Variants in DNAJC1 observed in about 807,000 individuals in gnomAD.
DNAJC1 encodes dnaJ homolog subfamily C member 1.
Under a neutral mutation model 76.6 loss-of-function variants are expected in DNAJC1, and 58 were observed. That is an observed-to-expected ratio of 0.76 (90% CI 0.61 to 0.94). DNAJC1 has a LOEUF of 0.94. DNAJC1 is among the 40% of genes least tolerant of loss of function. The pLI, the probability that DNAJC1 is intolerant of heterozygous loss-of-function variation, is 0.00. For missense variants in DNAJC1, 689 were observed against 677.3 expected (o/e 1.02, Z -0.19); for synonymous variants, 258 against 267.9 (o/e 0.96, Z 0.36).
At chr10:21,835,087 G>A (rs1240218955) in intron 8 of DNAJC1, among the ~76,000 whole-genome samples, 2 of 152,074 alleles carry the variant, frequency 1.3e-5, no homozygotes, top group African/African-American at 2.4e-5. Flanking sequence ...CAGTAGGGGC[G>A]GAATGACACC....
chr10:21,882,387 T>C lies in DNAJC1; in HGVS notation c.873A>G (p.Leu291=). 1 of 1,589,426 alleles carries C rather than the reference T, an allele frequency of 6.3e-7. No individual in the cohort carries two copies. The highest frequency in any genetic ancestry group is 1.2e-5 in the South Asian group (1 of 85,410). The part of the protein sequence containing the change: ...PKPEFPVYTP[L]ETTYIQSYDH... ...CATAAGACTGAATATATGTAGTTTCTAAAGGTGTGTATACAGGAAATTCAG... is the reference window on the plus strand; with the variant it reads ...CATAAGACTGAATATATGTAGTTTCCAAAGGTGTGTATACAGGAAATTCAG... Residue 291 remains leucine (L), a synonymous_variant, in exon 8 of 12, where the codon TTA becomes TTG. Coordinates refer to ENST00000376980, the MANE Select transcript of DNAJC1 (RefSeq NM_022365.4).
chr10:21,946,803 A>G (rs1026976668), intron 1 of DNAJC1, among the ~76,000 whole-genome samples: 1 of 152,206 alleles, frequency 6.6e-6, no homozygotes, highest in Admixed American at 6.5e-5. Context: ...ATAAAATGGG[A>G]TCCTGCTATG....
intron 11 of DNAJC1, among the ~76,000 whole-genome samples, chr10:21,758,951 G>A (rs115373529): frequency 6.6e-6 from 1 of 151,882 alleles, no homozygotes; most frequent in Non-Finnish European, 1.5e-5. Flanking sequence ...GTGGGATGAT[G>A]AAACTTAGAA....
chr10:21,893,945 T>C (rs914385969), intron 7 of DNAJC1, among the ~76,000 whole-genome samples: 5 of 151,980 alleles, frequency 3.3e-5, no homozygotes, highest in African/African-American at 1.2e-4. Flanking sequence ...AAGACAAAAG[T>C]TACCTATATT....
At chr10:21,898,679 A>G (rs1836591164) in intron 7 of DNAJC1, among the ~76,000 whole-genome samples, 1 of 151,794 alleles carries the variant, frequency 6.6e-6, no homozygotes, top group Non-Finnish European at 1.5e-5. Context: ...CAGCCTCCCA[A>G]GTAGCAGGCA....
chr10:21,961,278 G>A (rs1286354504), intron 1 of DNAJC1, among the ~76,000 whole-genome samples: 1 of 152,094 alleles, frequency 6.6e-6, no homozygotes, highest in African/African-American at 2.4e-5. Context: ...GTACATCATC[G>A]TTCACAGCAG....
intron 8 of DNAJC1, among the ~76,000 whole-genome samples, chr10:21,848,448 A>G (rs1170637434): frequency 1.3e-5 from 2 of 152,056 alleles, no homozygotes; most frequent in African/African-American, 2.4e-5. Context: ...GCTTGTTGCA[A>G]TCCTTTTTGT....
intron 10 of DNAJC1, among the ~76,000 whole-genome samples, chr10:21,762,105 A>G (rs1285812532): frequency 6.6e-6 from 1 of 152,016 alleles, no homozygotes; most frequent in African/African-American, 2.4e-5. Flanking sequence ...TGCCCAGCTA[A>G]TTTTTGTATT....
chr10:21,785,716 C>T (rs1189282996), intron 9 of DNAJC1: 1 of 152,100 alleles, frequency 6.6e-6, no homozygotes, highest in Middle Eastern at 3.2e-3. Context: ...AGGCAAAGTA[C>T]TCTGTTGAAC....
intron 6 of DNAJC1, among the ~76,000 whole-genome samples, chr10:21,907,726 T>C (rs1283945022): frequency 6.6e-6 from 1 of 151,450 alleles, no homozygotes; most frequent in Non-Finnish European, 1.5e-5. Context: ...CCTGCAATCC[T>C]AGCACTTCGG....
intron 1 of DNAJC1, among the ~76,000 whole-genome samples, chr10:21,953,680 A>G (rs529535595): frequency 3.9e-4 from 60 of 152,016 alleles, no homozygotes; most frequent in African/African-American, 1.4e-3. Context: ...TCACCTAGAA[A>G]TGTGAATAAT....
intron 9 of DNAJC1, among the ~76,000 whole-genome samples, chr10:21,767,226 C>A (rs1834311949): frequency 6.6e-6 from 1 of 152,180 alleles, no homozygotes; most frequent in African/African-American, 2.4e-5. Context: ...AGTGGGGCAG[C>A]TGCACCCAAG....
intron 8 of DNAJC1, among the ~76,000 whole-genome samples, chr10:21,813,443 T>TGGAGTGC (rs1589991553): frequency 1.3e-5 from 2 of 150,100 alleles, no homozygotes; most frequent in East Asian, 4.0e-4. Flanking sequence ...GGCTGGAGTG[T>TGGAGTGC]GGAGTGCAGT....
chr10:21,906,043 G>T (rs955802995), intron 6 of DNAJC1, among the ~76,000 whole-genome samples: 4 of 152,058 alleles, frequency 2.6e-5, no homozygotes, highest in African/African-American at 4.8e-5. Flanking sequence ...TTTCCTGGGG[G>T]TCTGTGTCTC....
chr10:21,772,524 A>G (rs1431523692), intron 9 of DNAJC1, among the ~76,000 whole-genome samples: 1 of 152,006 alleles, frequency 6.6e-6, no homozygotes, highest in Non-Finnish European at 1.5e-5. Context: ...CTTGACATAC[A>G]TTTATTCACG....
chr10:21,807,534 T>C (rs1033374375), intron 8 of DNAJC1, among the ~76,000 whole-genome samples: 5 of 152,210 alleles, frequency 3.3e-5, no homozygotes, highest in African/African-American at 1.2e-4. Flanking sequence ...CGAAAGGCTC[T>C]CCCATTTGCA....
chr10:21,967,300 T>C (rs889386661), intron 1 of DNAJC1, among the ~76,000 whole-genome samples: 7 of 152,238 alleles, frequency 4.6e-5, no homozygotes, highest in Admixed American at 4.6e-4. Flanking sequence ...TGCAGTCTTA[T>C]GTGTCTGGCT....
chr10:21,956,833 C>T (rs1406263545), intron 1 of DNAJC1, among the ~76,000 whole-genome samples: 1 of 150,780 alleles, frequency 6.6e-6, no homozygotes, highest in East Asian at 1.9e-4. Flanking sequence ...CACACACACA[C>T]ACACACACAC....
At chr10:21,814,730 A>G (rs1050035049) in intron 8 of DNAJC1, among the ~76,000 whole-genome samples, 1 of 152,228 alleles carries the variant, frequency 6.6e-6, no homozygotes, top group South Asian at 2.1e-4. Context: ...TAGGAAACCA[A>G]GGACGACGAC....
Sources: allele counts gnomAD v4.1 joint callset (sites outside exome capture counted in the v4.1 genomes callset), GRCh38; gene constraint gnomAD v4.1.1; transcripts MANE v1.5; gene names NCBI Gene and HGNC (gene_info 2026-07-23, HGNC 2026-07-21).